The following CSMD2 variants were observed in gnomAD, a reference collection of about 807,000 sequenced individuals.
CSMD2 encodes the protein CUB and Sushi multiple domains 2, also known as CUB and sushi domain-containing protein 2.
Under a neutral mutation model 398.5 loss-of-function variants are expected in CSMD2, and 130 were observed. That is an observed-to-expected ratio of 0.33 (90% CI 0.28 to 0.38). The LOEUF (loss-of-function observed/expected upper bound fraction) is 0.38. Among genes scored for constraint, CSMD2 ranks in the 10% least tolerant of loss-of-function variants. CSMD2 has a pLI of 1.00. For missense variants in CSMD2, 3,829 were observed against 4,764.9 expected, an observed-to-expected ratio of 0.80 and a Z score of 5.78; for synonymous variants, 1,828 against 1,908.5, an observed-to-expected ratio of 0.96 and a Z score of 1.10.
At chr1:33,779,320 C>T (rs1158270328) in intron 12 of CSMD2, among the ~76,000 whole-genome samples, 1 of 152,142 alleles carries the variant, frequency 6.6e-6, no homozygotes, top group Non-Finnish European at 1.5e-5. Flanking sequence ...AGTCCAGGAT[C>T]TAAATCCTGG....
intron 2 of CSMD2, among the ~76,000 whole-genome samples, chr1:34,084,774 T>C (rs1456223623): frequency 6.6e-6 from 1 of 151,924 alleles, no homozygotes; most frequent in East Asian, 1.9e-4. Flanking sequence ...ACTTTTACAC[T>C]GTTGGTGGGA....
intron 70 of CSMD2, among the ~76,000 whole-genome samples, chr1:33,517,238 G>A (rs555659737): frequency 8.9e-4 from 136 of 152,304 alleles, no homozygotes; most frequent in South Asian, 5.0e-3. Flanking sequence ...TCCAGCTGTG[G>A]GCAGAAGTGG....
At chr1:34,149,443 C>T (rs1485338965) in intron 1 of CSMD2, among the ~76,000 whole-genome samples, 3 of 152,122 alleles carry the variant, frequency 2.0e-5, no homozygotes, top group Admixed American at 6.5e-5. Flanking sequence ...CCGAAGAAAA[C>T]GGCATTTCAG....
chr1:33,648,173 T>A (rs551860317), intron 28 of CSMD2, among the ~76,000 whole-genome samples: 63 of 152,074 alleles, frequency 4.1e-4, no homozygotes, highest in Middle Eastern at 3.4e-3. Flanking sequence ...CCATCCTGAC[T>A]AACACGGTGA....
At chr1:33,702,263 A>ATAAATT (rs1645635642) in intron 22 of CSMD2, among the ~76,000 whole-genome samples, 1 of 152,216 alleles carries the variant, frequency 6.6e-6, no homozygotes, top group Non-Finnish European at 1.5e-5. Flanking sequence ...CAAATAAACT[A>ATAAATT]TAAATTTAAA....
intron 21 of CSMD2, among the ~76,000 whole-genome samples, chr1:33,711,336 G>T (rs1645981250): frequency 6.6e-6 from 1 of 152,244 alleles, no homozygotes; most frequent in Admixed American, 6.5e-5. Flanking sequence ...CTGTGGTGCA[G>T]TGGGATGATC....
chr1:33,909,878 T>C (rs995591606), intron 5 of CSMD2, among the ~76,000 whole-genome samples: 1 of 152,176 alleles, frequency 6.6e-6, no homozygotes, highest in Non-Finnish European at 1.5e-5. Flanking sequence ...CTTGCAGCCT[T>C]GACTTCCCTA....
intron 24 of CSMD2, among the ~76,000 whole-genome samples, chr1:33,698,034 G>A (rs982772157): frequency 6.6e-6 from 1 of 152,204 alleles, no homozygotes; most frequent in African/African-American, 2.4e-5. Context: ...AAGGTAGGAG[G>A]CAGGACGAAG....
chr1:34,086,458 A>G (rs111412783), intron 2 of CSMD2, among the ~76,000 whole-genome samples: 40 of 152,336 alleles, frequency 2.6e-4, no homozygotes, highest in African/African-American at 9.1e-4. Flanking sequence ...CTAAAATTTT[A>G]TAGGGCCAAA....
At chr1:34,014,605 T>C (rs1046730305) in intron 3 of CSMD2, among the ~76,000 whole-genome samples, 1 of 152,236 alleles carries the variant, frequency 6.6e-6, no homozygotes, top group African/African-American at 2.4e-5. Context: ...GCGACCACTG[T>C]GCCCTAAGCG....
intron 48 of CSMD2, among the ~76,000 whole-genome samples, chr1:33,578,111 G>A (rs1244097089): frequency 6.6e-6 from 1 of 152,112 alleles, no homozygotes; most frequent in Non-Finnish European, 1.5e-5. Context: ...TGTGCTGTGT[G>A]GGGGAATGTG....
chr1:34,115,376 C>T (rs1661508227), intron 1 of CSMD2, among the ~76,000 whole-genome samples: 1 of 152,040 alleles, frequency 6.6e-6, no homozygotes, highest in Non-Finnish European at 1.5e-5. Flanking sequence ...CAAAAGAGTT[C>T]TCATAAGATT....
chr1:33,733,218 G>T (rs1162572434), intron 15 of CSMD2, among the ~76,000 whole-genome samples: 1 of 152,170 alleles, frequency 6.6e-6, no homozygotes, highest in Non-Finnish European at 1.5e-5. Flanking sequence ...GAGTTACTCA[G>T]CCCTGCGGCT....
At chr1:34,008,992 C>T (rs1342199020) in intron 3 of CSMD2, among the ~76,000 whole-genome samples, 1 of 151,118 alleles carries the variant, frequency 6.6e-6, no homozygotes, top group Non-Finnish European at 1.5e-5. Context: ...ACCCCATCCA[C>T]TTTGCCTACC....
intron 10 of CSMD2, among the ~76,000 whole-genome samples, chr1:33,794,370 G>A (rs1172294644): frequency 6.6e-6 from 1 of 152,228 alleles, no homozygotes; most frequent in Non-Finnish European, 1.5e-5. Context: ...CTGGGAGAAA[G>A]GTTAAAGGAG....
chr1:33,825,041 T>C (rs1016434851), intron 7 of CSMD2, among the ~76,000 whole-genome samples: 2 of 152,184 alleles, frequency 1.3e-5, no homozygotes, highest in African/African-American at 4.8e-5. Context: ...CAGGTGTTTC[T>C]GGGACCCACA....
intron 27 of CSMD2, among the ~76,000 whole-genome samples, chr1:33,652,688 C>A (rs1390963945): frequency 6.6e-6 from 1 of 152,172 alleles, no homozygotes; most frequent in East Asian, 1.9e-4. Flanking sequence ...GTACCAGATG[C>A]CACTGAACTG....
intron 1 of CSMD2, among the ~76,000 whole-genome samples, chr1:34,127,274 G>GA (rs2148486887): frequency 6.6e-6 from 1 of 152,314 alleles, no homozygotes; most frequent in African/African-American, 2.4e-5. Flanking sequence ...AAATGGCAAA[G>GA]AACAGGGCGG....
In CSMD2 at chr1:33,739,159, G is replaced by A. The variant is rs763984340; in HGVS notation, c.2349C>T (p.Ser783=). The A allele has an allele frequency of 9.3e-6, 15 of 1,613,620 alleles. No homozygotes were observed. Among genetic ancestry groups the A allele is most frequent in the Middle Eastern group, 1.7e-4 (1 of 6,054 alleles). Residue 783 remains serine (S), a synonymous_variant, in exon 15 of 71, where the codon AGC becomes AGT. Coordinates refer to ENST00000373381, the MANE Select transcript of CSMD2 (RefSeq NM_001281956.2). The stretch of plus-strand genomic sequence containing the variant: ...TCGTACCTTCACACCGCAGCACAGC[G>A]CTGTTCCAGACCACGCTGCCCTCCT... ...VLKEGSVVWN[S]AVLRCEAPCG...
Sources: allele counts gnomAD v4.1 joint callset (sites outside exome capture counted in the v4.1 genomes callset), GRCh38; gene constraint gnomAD v4.1.1; transcripts MANE v1.5; gene names NCBI Gene and HGNC (gene_info 2026-07-23, HGNC 2026-07-21).